PLD1: variants seen among roughly 807,000 people sequenced by gnomAD.
PLD1 encodes the protein choline phosphatase 1.
Under a neutral mutation model 137.1 loss-of-function variants are expected in PLD1, and 112 were observed. The ratio of observed to expected loss-of-function variants is 0.82; its 90% CI spans 0.70 to 0.96. The LOEUF is 0.96. PLD1 is among the 40% of genes least tolerant of loss of function. The pLI, the probability that PLD1 is intolerant of heterozygous loss-of-function variation, is 0.00. For missense variants in PLD1, 1,321 were observed against 1,342.0 expected (o/e 0.98, Z 0.24); for synonymous variants, 431 against 454.7 (o/e 0.95, Z 0.66).
intron 19 of PLD1, among the ~76,000 whole-genome samples, chr3:171,674,270 G>T (rs1713098393): frequency 6.6e-6 from 1 of 152,182 alleles, no homozygotes; most frequent in Admixed American, 6.5e-5. Flanking sequence ...CTTGGCTGTG[G>T]CCTTTTCTAA....
At chr3:171,723,697 T>C (rs1718304020) in intron 8 of PLD1, among the ~76,000 whole-genome samples, 1 of 152,236 alleles carries the variant, frequency 6.6e-6, no homozygotes, top group Admixed American at 6.5e-5. Context: ...ATTGTAGTTT[T>C]CATTTGCATT....
intron 25 of PLD1, among the ~76,000 whole-genome samples, chr3:171,610,959 G>A (rs755909900): frequency 6.6e-6 from 1 of 152,208 alleles, no homozygotes; most frequent in African/African-American, 2.4e-5. Context: ...CTTGGAAGCC[G>A]AAGTCTGGAT....
chr3:171,613,818 G>GT (rs1174071205), intron 24 of PLD1, among the ~76,000 whole-genome samples: 2 of 152,086 alleles, frequency 1.3e-5, no homozygotes, highest in Non-Finnish European at 2.9e-5. Context: ...ACCTCATCAC[G>GT]TTTTTTTGCA....
chr3:171,796,857 CA>C (rs1723457465), intron 1 of PLD1, among the ~76,000 whole-genome samples: 1 of 152,276 alleles, frequency 6.6e-6, no homozygotes, highest in South Asian at 2.1e-4. Flanking sequence ...TGCTCTTCTT[CA>C]GCCTATCCTT....
In PLD1 at chr3:171,764,277, A is replaced by AG. The variant is rs1366618194; in HGVS notation, c.-31-26196dup. On this transcript the variant is annotated intron_variant, in intron 1 of 26. Transcript: ENST00000351298. ...GCATGAGCCACTGCGCCTGGTCTACAGTTTATTTTTGATGACACATAAGAA... is the reference window on the plus strand; with the variant it reads ...GCATGAGCCACTGCGCCTGGTCTACAGGTTTATTTTTGATGACACATAAGAA... Among the ~76,000 whole-genome samples, 3 of 152,312 alleles carry AG rather than the reference A, an allele frequency of 2.0e-5. No homozygotes were observed. The East Asian group carries it at 5.8e-4, about 29-fold the overall frequency.
intron 3 of PLD1, among the ~76,000 whole-genome samples, 167 bp downstream of exon 3, chr3:171,737,365 G>A (rs1719439070): frequency 1.3e-5 from 2 of 152,028 alleles, no homozygotes; most frequent in Admixed American, 1.3e-4. Flanking sequence ...TGGGAAGGAG[G>A]CAAAAACTTG....
chr3:171,606,449 T>C (rs1418345251), intron 25 of PLD1, among the ~76,000 whole-genome samples: 2 of 152,136 alleles, frequency 1.3e-5, no homozygotes, highest in Admixed American at 1.3e-4. Context: ...CACATGCTCA[T>C]AGGCTGAATG....
chr3:171,795,107 G>A (rs1415274710), intron 1 of PLD1, among the ~76,000 whole-genome samples: 4 of 152,050 alleles, frequency 2.6e-5, no homozygotes, highest in East Asian at 1.9e-4. Context: ...CTCCTTTTAC[G>A]GACTACTTCA....
In PLD1 at chr3:171,620,417, C is replaced by T; in HGVS notation, c.2697G>A (p.Leu899=). 6.3e-7 allele frequency: 1 copy of T among 1,596,422 alleles called. No homozygotes were observed. Among genetic ancestry groups the T allele is most frequent in the East Asian group, 2.2e-5 (1 of 44,688 alleles). ...TAACAGTGTTATCATCAGCAATTAA[C>T]AACTTGCTGTGGACATAGATAAGCT... ...VTELIYVHSK[L]LIADDNTVII... is the part of the protein sequence containing the mutation. Residue 899 remains leucine, a synonymous_variant, in exon 24 of 27, where the codon TTG becomes TTA. Transcript: ENST00000351298.
At chr3:171,708,975 T>C in intron 10 of PLD1, 137 bp from the exon 11 acceptor site, 1 of 595,682 alleles carries the variant, frequency 1.7e-6, no homozygotes, top group Non-Finnish European at 3.0e-6. Context: ...TTTGTGGACC[T>C]GGAAAACAAG....
At chr3:171,646,035 T>C (rs1173803270) in intron 21 of PLD1, among the ~76,000 whole-genome samples, 1 of 151,958 alleles carries the variant, frequency 6.6e-6, no homozygotes, top group Admixed American at 6.5e-5. Context: ...GATATAACAA[T>C]AGAAGAAGAA....
intron 1 of PLD1, among the ~76,000 whole-genome samples, chr3:171,800,314 T>C (rs1488276332): frequency 6.6e-6 from 1 of 152,136 alleles, no homozygotes; most frequent in African/African-American, 2.4e-5. Flanking sequence ...GTTCAAGCAA[T>C]TGTCCTGCCT....
At chr3:171,689,647 T>A (rs1714951008) in intron 13 of PLD1, among the ~76,000 whole-genome samples, 2 of 152,092 alleles carry the variant, frequency 1.3e-5, no homozygotes, top group Admixed American at 1.3e-4. Context: ...ACTATAGGCG[T>A]GTACCACCAT....
intron 13 of PLD1, among the ~76,000 whole-genome samples, chr3:171,691,592 G>T (rs1467295768): frequency 2.0e-5 from 3 of 152,108 alleles, no homozygotes; most frequent in Non-Finnish European, 2.9e-5. Context: ...TCCTTTAACA[G>T]CTCTTCCCTC....
chr3:171,720,021 G>A (rs1029036964), intron 8 of PLD1, among the ~76,000 whole-genome samples: 2 of 152,144 alleles, frequency 1.3e-5, no homozygotes, highest in South Asian at 2.1e-4. Flanking sequence ...TTGGCCAGGT[G>A]CTGTGCCTCC....
intron 25 of PLD1, chr3:171,611,483 C>T (rs888245654): frequency 2.1e-5 from 9 of 436,726 alleles, no homozygotes; most frequent in African/African-American, 1.4e-4. Flanking sequence ...TTCTAAATAA[C>T]ACTTTATTGA....
At chr3:171,728,020 A>G (rs1477081793) in intron 6 of PLD1, among the ~76,000 whole-genome samples, 1 of 152,192 alleles carries the variant, frequency 6.6e-6, no homozygotes, top group East Asian at 1.9e-4. Flanking sequence ...TTAAAAAGTC[A>G]AGGTCTCAGT....
intron 1 of PLD1, among the ~76,000 whole-genome samples, chr3:171,772,735 G>A (rs1478927410): frequency 6.6e-6 from 1 of 152,170 alleles, no homozygotes; most frequent in Non-Finnish European, 1.5e-5. Context: ...AACAGAGAAG[G>A]AGCAGCTATG....
Position 171,602,267 on chromosome 3 carries a change from G to C in PLD1, c.*811C>G, listed in dbSNP as rs1560134099. The C allele has an allele frequency of 6.6e-6, 1 of 152,196 alleles. No homozygotes were observed. The highest frequency in any genetic ancestry group is 2.4e-5 in the African/African-American group (1 of 41,444). 9.4% of individuals were successfully genotyped at this position (152,196 alleles called of 1,614,324 possible). ...GGTTTCCGAAGGCTGTGTGCTCTCA[G>C]TTTTAGCTGGTTGTTACGTAATCAA... is the stretch of plus-strand genomic sequence containing the variant. On this transcript the variant is annotated 3_prime_UTR_variant, in exon 27 of 27. Transcript: ENST00000351298.
Sources: allele counts gnomAD v4.1 joint callset (sites outside exome capture counted in the v4.1 genomes callset), GRCh38; gene constraint gnomAD v4.1.1; transcripts MANE v1.5; gene names NCBI Gene and HGNC (gene_info 2026-07-23, HGNC 2026-07-21).